SEMA4F: variants seen among roughly 807,000 people sequenced by gnomAD.
The protein encoded by SEMA4F is semaphorin-4F.
A neutral mutation model predicts 78.4 loss-of-function variants in SEMA4F; 51 were observed. The ratio of observed to expected loss-of-function variants is 0.65; its 90% CI spans 0.52 to 0.82. The LOEUF is 0.82. Among genes scored for constraint, SEMA4F ranks in the 40% least tolerant of loss-of-function variants. The pLI, the probability that SEMA4F is intolerant of heterozygous loss-of-function variation, is 0.00. For missense variants in SEMA4F, 938 were observed against 1,014.4 expected (o/e 0.92, Z 1.02); for synonymous variants, 418 against 408.7 (o/e 1.02, Z -0.27).
chr2:74,691,773 T>C, the SEMA4F span, among the ~76,000 whole-genome samples: 1 of 152,206 alleles, frequency 6.6e-6, no homozygotes, highest in Non-Finnish European at 1.5e-5. Flanking sequence ...GGTTCATAAC[T>C]AAATTATGGA....
chr2:74,659,716 C>T (rs1040931189), intron 4 of SEMA4F, among the ~76,000 whole-genome samples: 1 of 152,170 alleles, frequency 6.6e-6, no homozygotes, highest in Admixed American at 6.5e-5. Flanking sequence ...CCTGTCTTAT[C>T]CTACTACCCA....
At chr2:74,686,561 A>G (rs10208390), downstream of SEMA4F, among the ~76,000 whole-genome samples, 52,265 of 151,778 alleles carry the variant, frequency 0.34, 14,677 homozygotes, top group East Asian at 0.82. Context: ...TCATGCTACT[A>G]TAAAGACACG....
At chr2:74,662,869 C>T (rs1440540622) in intron 5 of SEMA4F, 44 bp downstream of exon 5, 14 of 1,472,666 alleles carry the variant, frequency 9.5e-6, no homozygotes, top group Non-Finnish European at 1.2e-5. Context: ...TGCTAATTGC[C>T]TCCTTCCCCA....
downstream of SEMA4F, among the ~76,000 whole-genome samples, chr2:74,686,860 C>T (rs1685833162): frequency 1.3e-5 from 2 of 150,184 alleles, no homozygotes; most frequent in Admixed American, 1.3e-4. Flanking sequence ...GGGAACATCA[C>T]ACACTGGGGC....
downstream of SEMA4F, among the ~76,000 whole-genome samples, chr2:74,687,045 T>C (rs1375108519): frequency 2.6e-5 from 4 of 152,184 alleles, no homozygotes; most frequent in African/African-American, 9.7e-5. Context: ...AATGAAAACC[T>C]TCCTATCACT....
At chr2:74,675,476 G>C (rs1451686390) in intron 10 of SEMA4F, 49 bp from the exon 11 acceptor site, 1 of 1,598,128 alleles carries the variant, frequency 6.3e-7, no homozygotes, top group Non-Finnish European at 8.6e-7. Context: ...CTGAGTCCCA[G>C]GCACAGGGGC....
At chr2:74,663,948 A>G (rs1378242153) in intron 5 of SEMA4F, among the ~76,000 whole-genome samples, 1 of 152,244 alleles carries the variant, frequency 6.6e-6, no homozygotes, top group Non-Finnish European at 1.5e-5. Context: ...AGTAATGACT[A>G]TTAAATAAAT....
At chr2:74,670,420 A>G (rs1684927163) in intron 5 of SEMA4F, among the ~76,000 whole-genome samples, 1 of 152,178 alleles carries the variant, frequency 6.6e-6, no homozygotes, top group African/African-American at 2.4e-5. Flanking sequence ...TCATGGTGTC[A>G]GTGATCCTTG....
the SEMA4F span, among the ~76,000 whole-genome samples, chr2:74,690,695 G>A: frequency 5.3e-5 from 8 of 152,162 alleles, no homozygotes; most frequent in African/African-American, 1.9e-4. Flanking sequence ...TCTCGTGCCC[G>A]ACTAACATTG....
At chr2:74,707,674 T>C in the SEMA4F span, among the ~76,000 whole-genome samples, 1,634 of 152,300 alleles carry the variant, frequency 0.011, 31 homozygotes, top group African/African-American at 0.038. Context: ...ATGACAGTGA[T>C]TCCTGGGAGT....
the SEMA4F span, among the ~76,000 whole-genome samples, chr2:74,690,989 A>G: frequency 6.6e-6 from 1 of 152,230 alleles, no homozygotes; most frequent in Admixed American, 6.5e-5. Flanking sequence ...GAACTTTCAC[A>G]TAGCCATCCT....
downstream of SEMA4F, chr2:74,683,910 G>A (rs1199064291): frequency 1.3e-5 from 2 of 152,082 alleles, no homozygotes; most frequent in African/African-American, 4.8e-5. Flanking sequence ...TTTCTAAAAC[G>A]ATCTGTCTGG....
In SEMA4F at chr2:74,679,639, G is replaced by A. The variant is rs770710697; in HGVS notation, c.1743G>A (p.Ala581=). The A allele has an allele frequency of 9.3e-6, 15 of 1,610,280 alleles. No individual in the cohort carries two copies. The Admixed American group carries it at 1.2e-4, about 13-fold the overall frequency. Residue 581 remains alanine (A), a synonymous_variant, in exon 14 of 14, where the codon GCG becomes GCA. Transcript: ENST00000357877. ...VVFEVPVATA[A]HVVLPCSPSS... Reference sequence around the variant, plus strand: ...TTGAAGTTCCCGTGGCTACAGCTGCGCATGTGGTCTTGCCATGTTCTCCAA... The same window carrying A: ...TTGAAGTTCCCGTGGCTACAGCTGCACATGTGGTCTTGCCATGTTCTCCAA...
chr2:74,709,345 T>C, the SEMA4F span, among the ~76,000 whole-genome samples: 1 of 152,324 alleles, frequency 6.6e-6, no homozygotes, highest in South Asian at 2.1e-4. Flanking sequence ...TGAAAAGAAC[T>C]GTCAGCCCAG....
chr2:74,654,598 C>G (rs543301575), intron 1 of SEMA4F, 77 bp downstream of exon 1: 7 of 1,281,866 alleles, frequency 5.5e-6, no homozygotes, highest in Non-Finnish European at 7.2e-6. Flanking sequence ...TCAGACCGCT[C>G]GGCCGGACCC....
chr2:74,680,169 CTG>C lies in SEMA4F; in HGVS notation c.2274_2275del (p.Ala760SerfsTer6), dbSNP rs1277376868. The C allele has an allele frequency of 6.3e-7, 1 of 1,597,072 alleles. No homozygotes were observed. The highest frequency in any genetic ancestry group is 8.6e-7 in the Non-Finnish European group (1 of 1,167,874). ...CCAAGCCCAGCCCACATTCGGCTAA[CTG>C]GGGCTCCTCTAGCCACATGTGATGA... On this transcript the variant is annotated frameshift_variant, in exon 14 of 14. Coordinates refer to ENST00000357877, the MANE Select transcript of SEMA4F (RefSeq NM_004263.5). LOFTEE classifies it high-confidence loss of function.
chr2:74,677,962 A>G (rs1193202185), intron 12 of SEMA4F, among the ~76,000 whole-genome samples: 28 of 152,272 alleles, frequency 1.8e-4, no homozygotes, highest in Admixed American at 1.7e-3. Context: ...GTCATGAATT[A>G]TAAGTGTAAA....
chr2:74,656,476 T>C (rs1684142078), intron 1 of SEMA4F, 58 bp from the exon 2 acceptor site: 5 of 1,573,770 alleles, frequency 3.2e-6, no homozygotes, highest in Non-Finnish European at 3.5e-6. Flanking sequence ...GGTTTTGCTC[T>C]TGTGGACTTG....
downstream of SEMA4F, among the ~76,000 whole-genome samples, chr2:74,687,492 G>T (rs1488499347): frequency 2.0e-5 from 3 of 152,214 alleles, no homozygotes; most frequent in Admixed American, 6.5e-5. Context: ...GTTCACTGTT[G>T]TATCCCCAGT....
Sources: gnomAD v4.1 joint callset for allele counts (sites outside exome capture counted in the v4.1 genomes callset) on GRCh38, gnomAD v4.1.1 for gene constraint, MANE v1.5 for transcripts, NCBI Gene and HGNC (gene_info 2026-07-23, HGNC 2026-07-21) for gene names.